PCNX2: variants seen among roughly 807,000 people sequenced by gnomAD.
PCNX2 encodes the protein pecanex-like protein 2.
A neutral mutation model predicts 223.8 loss-of-function variants in PCNX2; 168 were observed. The observed-to-expected ratio is 0.75, with a 90% CI of 0.66 to 0.85. The LOEUF (loss-of-function observed/expected upper bound fraction) is 0.85, where lower values mean the gene tolerates loss of function less well. Among genes scored for constraint, PCNX2 ranks in the 40% least tolerant of loss-of-function variants. The probability of loss-of-function intolerance (pLI) is 0.00; values close to 1 mark genes in which losing one functional copy is unlikely to be tolerated. For synonymous variants in PCNX2, 1,006 were observed against 1,052.6 expected, an observed-to-expected ratio of 0.96 and a Z score of 0.86; for missense variants, 2,507 against 2,675.5, an observed-to-expected ratio of 0.94 and a Z score of 1.39.
chr1:233,155,842 T>C (rs1430598503), intron 19 of PCNX2, among the ~76,000 whole-genome samples: 1 of 152,236 alleles, frequency 6.6e-6, no homozygotes, highest in African/African-American at 2.4e-5. Context: ...GGAAAATTAA[T>C]TTGCTTTATT....
chr1:233,025,532 C>T, intron 25 of PCNX2, 133 bp from the exon 26 acceptor site: 1 of 1,137,096 alleles, frequency 8.8e-7, no homozygotes, highest in Non-Finnish European at 1.2e-6. Flanking sequence ...TTTGTTTGTC[C>T]TCAAATAAGT....
Position 233,074,209 on chromosome 1 carries a change from A to G in PCNX2, c.4076+15852T>C, listed in dbSNP as rs988886297. On this transcript the variant is annotated intron_variant, in intron 23 of 33. Coordinates refer to ENST00000258229, the MANE Select transcript of PCNX2 (RefSeq NM_014801.4). ...TTAAAAACTTATCGAGGATTGTTCT[A>G]TGGTCTAGTAGATGGTCCATTGTGG... Among the ~76,000 whole-genome samples the G allele has an allele frequency of 3.3e-5, 5 of 152,160 alleles. No individual in the cohort carries two copies. The East Asian group carries it at 5.8e-4, about 18-fold the overall frequency.
At chr1:233,100,827 G>A (rs893143501) in intron 21 of PCNX2, among the ~76,000 whole-genome samples, 8 of 152,046 alleles carry the variant, frequency 5.3e-5, no homozygotes, top group Admixed American at 2.0e-4. Flanking sequence ...TCACCTTTTC[G>A]CCTATTTCTC....
chr1:233,292,740 AG>A (rs763271119), intron 1 of PCNX2, among the ~76,000 whole-genome samples: 17 of 151,736 alleles, frequency 1.1e-4, no homozygotes, highest in Non-Finnish European at 2.1e-4. Flanking sequence ...TTTGGGGAAG[AG>A]GGCCTTTTAT....
chr1:233,263,767 T>C (rs1296873315), intron 1 of PCNX2, among the ~76,000 whole-genome samples: 2 of 152,336 alleles, frequency 1.3e-5, no homozygotes, highest in African/African-American at 4.8e-5. Context: ...CCATGTTTGA[T>C]AAGCTCTTAT....
At chr1:233,262,745 T>C (rs980205607) in intron 2 of PCNX2, among the ~76,000 whole-genome samples, 7 of 152,198 alleles carry the variant, frequency 4.6e-5, no homozygotes, top group African/African-American at 1.2e-4. Context: ...GAAGGTCATA[T>C]TGACTTCCCA....
chr1:233,270,371 T>C (rs1161181744), intron 1 of PCNX2, among the ~76,000 whole-genome samples: 1 of 152,144 alleles, frequency 6.6e-6, no homozygotes, highest in Non-Finnish European at 1.5e-5. Context: ...GATTATATGT[T>C]GAAAACTAGA....
chr1:233,090,769 A>T (rs757939605), intron 22 of PCNX2, among the ~76,000 whole-genome samples: 6 of 152,204 alleles, frequency 3.9e-5, no homozygotes, highest in Non-Finnish European at 8.8e-5. Flanking sequence ...CACCACATGC[A>T]CATGAAGTAA....
intron 15 of PCNX2, among the ~76,000 whole-genome samples, chr1:233,187,247 A>G (rs1303328746): frequency 2.0e-5 from 3 of 152,240 alleles, no homozygotes; most frequent in African/African-American, 7.2e-5. Flanking sequence ...TTTACTAGTT[A>G]TTGTGGTAAG....
At chr1:233,006,330 TC>T (rs1670284177) in intron 28 of PCNX2, among the ~76,000 whole-genome samples, 1 of 152,348 alleles carries the variant, frequency 6.6e-6, no homozygotes, top group East Asian at 1.9e-4. Flanking sequence ...TTCTGGTTCC[TC>T]ACCCACTTCA....
intron 25 of PCNX2, chr1:233,033,217 C>T: frequency 3.1e-6 from 3 of 983,472 alleles, no homozygotes; most frequent in Non-Finnish European, 3.6e-6. Context: ...CCTACCAATG[C>T]CAAGCCCAGC....
chr1:233,083,595 C>G (rs1673463184), intron 23 of PCNX2, among the ~76,000 whole-genome samples: 2 of 152,258 alleles, frequency 1.3e-5, no homozygotes. Context: ...TGGAAAACAA[C>G]ACAGTGAGAT....
upstream of PCNX2, among the ~76,000 whole-genome samples, chr1:233,299,822 A>G (rs12565806): frequency 0.26 from 38,898 of 152,150 alleles, 5,627 homozygotes; most frequent in East Asian, 0.43. Context: ...GTAGTTACCT[A>G]TAATACAGAT....
At chr1:233,223,558 T>C (rs938170521) in intron 10 of PCNX2, among the ~76,000 whole-genome samples, 7 of 152,164 alleles carry the variant, frequency 4.6e-5, no homozygotes, top group African/African-American at 1.7e-4. Context: ...ACCCGTCATC[T>C]AGGTTTTCAG....
chr1:233,119,403 CA>C (rs71173251), intron 21 of PCNX2, among the ~76,000 whole-genome samples: 117 of 38,616 alleles, frequency 3.0e-3, no homozygotes, highest in African/African-American at 5.1e-3. Flanking sequence ...ACTAAAAATA[CA>C]AAAAAAAAAA....
chr1:233,004,466 T>C (rs1670207565), intron 28 of PCNX2, among the ~76,000 whole-genome samples: 1 of 152,070 alleles, frequency 6.6e-6, no homozygotes. Context: ...TCTCCTTTTT[T>C]TTTTTTGCTT....
intron 20 of PCNX2, among the ~76,000 whole-genome samples, chr1:233,137,741 G>C (rs1330616640): frequency 6.6e-6 from 1 of 152,164 alleles, no homozygotes; most frequent in East Asian, 1.9e-4. Context: ...CAATGCCCTG[G>C]AACAGATGGA....
chr1:233,212,347 G>A (rs1020070805), intron 12 of PCNX2, among the ~76,000 whole-genome samples: 9 of 152,132 alleles, frequency 5.9e-5, no homozygotes, highest in Admixed American at 1.3e-4. Flanking sequence ...AATTCTCACC[G>A]GTTTACTATT....
At chr1:233,118,810 T>C (rs1035366381) in intron 21 of PCNX2, among the ~76,000 whole-genome samples, 5 of 152,198 alleles carry the variant, frequency 3.3e-5, no homozygotes, top group Non-Finnish European at 5.9e-5. Flanking sequence ...TTACAATTCC[T>C]ATTAAAATCT....
Sources: gnomAD v4.1 joint callset for allele counts (sites outside exome capture counted in the v4.1 genomes callset) on GRCh38, gnomAD v4.1.1 for gene constraint, MANE v1.5 for transcripts, NCBI Gene and HGNC (gene_info 2026-07-23, HGNC 2026-07-21) for gene names.